Variants in ROBO1 observed in about 807,000 individuals in gnomAD.
ROBO1 encodes roundabout homolog 1.
Under a neutral mutation model 195.9 loss-of-function variants are expected in ROBO1, and 149 were observed. The ratio of observed to expected loss-of-function variants is 0.76; its 90% CI spans 0.67 to 0.87. The LOEUF is 0.87. ROBO1 is among the 40% of genes least tolerant of loss of function. ROBO1 has a pLI of 0.00. For missense variants in ROBO1, 1,933 were observed against 2,068.3 expected (o/e 0.93, Z 1.27); for synonymous variants, 816 against 733.2 (o/e 1.11, Z -1.82).
chr3:79,265,561 A>G (rs1413525488), intron 2 of ROBO1, among the ~76,000 whole-genome samples: 2 of 151,626 alleles, frequency 1.3e-5, no homozygotes, highest in Non-Finnish European at 1.5e-5. Context: ...TAAGTTGTAT[A>G]AACGAAAATA....
At chr3:79,748,910 A>G (rs989712567) in intron 1 of ROBO1, among the ~76,000 whole-genome samples, 5 of 152,180 alleles carry the variant, frequency 3.3e-5, no homozygotes, top group African/African-American at 1.2e-4. Flanking sequence ...GCATAAAAAC[A>G]GACTAATACA....
intron 1 of ROBO1, among the ~76,000 whole-genome samples, chr3:79,594,266 T>C (rs951602736): frequency 6.6e-6 from 1 of 152,046 alleles, no homozygotes; most frequent in African/African-American, 2.4e-5. Flanking sequence ...TAACTGTATT[T>C]GTATGTTCTC....
At chr3:78,817,109 G>T (rs1038414162) in intron 4 of ROBO1, among the ~76,000 whole-genome samples, 1 of 152,138 alleles carries the variant, frequency 6.6e-6, no homozygotes, top group Non-Finnish European at 1.5e-5. Flanking sequence ...TCAAACAGTG[G>T]CACATGCTAC....
chr3:79,054,241 G>T lies in ROBO1; in HGVS notation c.172+71215C>A, dbSNP rs572518133. 6.6e-5 allele frequency among the ~76,000 whole-genome samples: 10 copies of T among 152,224 alleles called. No homozygotes were observed. The East Asian group carries it at 1.9e-3, about 29-fold the overall frequency. ...ACCACAGAACAAGTAACAAAGGTGTGTATGAGAGCTTGGGATAAATTACGT... is the reference window on the plus strand; with the variant it reads ...ACCACAGAACAAGTAACAAAGGTGTTTATGAGAGCTTGGGATAAATTACGT... On this transcript the variant is annotated intron_variant, in intron 3 of 30. Coordinates refer to ENST00000464233, the MANE Select transcript of ROBO1 (RefSeq NM_002941.4).
At chr3:79,348,591 A>G (rs2035222584) in intron 2 of ROBO1, among the ~76,000 whole-genome samples, 1 of 152,180 alleles carries the variant, frequency 6.6e-6, no homozygotes, top group Non-Finnish European at 1.5e-5. Context: ...GGATATGGAG[A>G]AGACATCCTA....
chr3:79,257,506 A>G (rs2082857120), intron 2 of ROBO1, among the ~76,000 whole-genome samples: 1 of 152,144 alleles, frequency 6.6e-6, no homozygotes, highest in Admixed American at 6.6e-5. Flanking sequence ...CTACTCCATC[A>G]TGGAAGTCTC....
chr3:79,424,644 G>A (rs1460005209), intron 2 of ROBO1, among the ~76,000 whole-genome samples: 2 of 151,972 alleles, frequency 1.3e-5, no homozygotes, highest in Non-Finnish European at 2.9e-5. Flanking sequence ...CATGAAGATG[G>A]ACAAAACATC....
At chr3:79,024,223 C>T (rs902044266) in intron 3 of ROBO1, among the ~76,000 whole-genome samples, 1 of 152,182 alleles carries the variant, frequency 6.6e-6, no homozygotes, top group African/African-American at 2.4e-5. Context: ...TGTTCTAACA[C>T]TAGGTGCTAT....
chr3:79,246,125 C>G (rs2082620342), intron 2 of ROBO1, among the ~76,000 whole-genome samples: 1 of 152,098 alleles, frequency 6.6e-6, no homozygotes, highest in South Asian at 2.1e-4. Context: ...TATATGGATG[C>G]TGCATTTTAT....
chr3:79,364,283 TAC>T (rs1398933884), intron 2 of ROBO1, among the ~76,000 whole-genome samples: 1 of 149,540 alleles, frequency 6.7e-6, no homozygotes, highest in Admixed American at 6.7e-5. Context: ...TATATATATA[TAC>T]ACACACATAT....
In ROBO1 at chr3:78,670,228, G is replaced by A. The variant is rs1248574886; in HGVS notation, c.1416C>T (p.Phe472=). 13 of 1,604,918 alleles carry A rather than the reference G, an allele frequency of 8.1e-6. No individual in the cohort carries two copies. The highest frequency in any genetic ancestry group is 1.7e-4 in the Middle Eastern group (1 of 6,054). ...TGCCTGTGGCCACACAGCTGAGGAC[G>A]AAAGTGCCATCCACGGCTACAGTCT... is the stretch of plus-strand genomic sequence containing the variant. The part of the protein sequence containing the change: ...VNQTVAVDGT[F]VLSCVATGSP... Residue 472 remains phenylalanine, a synonymous_variant, in exon 11 of 31, where the codon TTC becomes TTT. Transcript: ENST00000464233.
chr3:79,490,027 C>T (rs1387675663), intron 2 of ROBO1, among the ~76,000 whole-genome samples: 1 of 152,080 alleles, frequency 6.6e-6, no homozygotes, highest in East Asian at 1.9e-4. Flanking sequence ...ACCATTTTTG[C>T]CTTGAAGCCG....
intron 4 of ROBO1, among the ~76,000 whole-genome samples, chr3:78,857,499 C>G (rs2106940236): frequency 6.6e-6 from 1 of 152,228 alleles, no homozygotes; most frequent in South Asian, 2.1e-4. Flanking sequence ...TCTAAATATT[C>G]CTGTTTTAGA....
At chr3:79,044,371 T>C (rs555844376) in intron 3 of ROBO1, among the ~76,000 whole-genome samples, 2 of 152,268 alleles carry the variant, frequency 1.3e-5, no homozygotes, top group African/African-American at 4.8e-5. Context: ...TAATATCATC[T>C]TATATCCATT....
At chr3:78,615,135 A>C (rs529343829) in intron 27 of ROBO1, among the ~76,000 whole-genome samples, 1 of 152,374 alleles carries the variant, frequency 6.6e-6, no homozygotes, top group African/African-American at 2.4e-5. Flanking sequence ...TTAAACAAAA[A>C]ATAGTAATTA....
chr3:79,203,617 G>C (rs2081809438), intron 2 of ROBO1, among the ~76,000 whole-genome samples: 1 of 152,174 alleles, frequency 6.6e-6, no homozygotes, highest in Non-Finnish European at 1.5e-5. Flanking sequence ...TTTTAGATAT[G>C]AGCAGGCTTA....
intron 7 of ROBO1, among the ~76,000 whole-genome samples, chr3:78,715,922 T>G (rs2081891579): frequency 6.6e-6 from 1 of 152,190 alleles, no homozygotes; most frequent in Non-Finnish European, 1.5e-5. Flanking sequence ...GAATTCTTTA[T>G]TACACAAAGC....
intron 2 of ROBO1, among the ~76,000 whole-genome samples, chr3:79,257,622 C>T (rs2082860583): frequency 1.3e-5 from 2 of 151,956 alleles, no homozygotes. Flanking sequence ...TCATTTTATA[C>T]CATAATGATT....
chr3:79,642,241 G>T (rs1489377668), intron 1 of ROBO1, among the ~76,000 whole-genome samples: 2 of 152,054 alleles, frequency 1.3e-5, no homozygotes, highest in Non-Finnish European at 2.9e-5. Context: ...GGAGAAGAAA[G>T]AATGCAATTG....
Sources: gnomAD v4.1 joint callset for allele counts (sites outside exome capture counted in the v4.1 genomes callset) on GRCh38, gnomAD v4.1.1 for gene constraint, MANE v1.5 for transcripts, NCBI Gene and HGNC (gene_info 2026-07-23, HGNC 2026-07-21) for gene names.